Variants in CLTCL1 observed in about 807,000 individuals in gnomAD.
CLTCL1 encodes the protein clathrin heavy chain 2.
In CLTCL1, 159 loss-of-function variants were observed where a neutral mutation model predicts 190.0. The observed-to-expected ratio is 0.84, with a 90% confidence interval of 0.74 to 0.95. CLTCL1 has a LOEUF of 0.95. Among genes scored for constraint, CLTCL1 ranks in the 40% least tolerant of loss-of-function variants. CLTCL1 has a pLI of 0.00. For missense variants in CLTCL1, 1,878 were observed against 2,033.4 expected, an observed-to-expected ratio of 0.92 and a Z score of 1.47; for synonymous variants, 752 against 769.6, an observed-to-expected ratio of 0.98 and a Z score of 0.38.
rs372426122 is a variant in CLTCL1 at position 19,220,015 on chromosome 22, G to A, written c.2797-8C>T. ...AGAATTCTCATTGCACACCTGAAAT[G>A]AGCACACTCATGTGTGTGACACAGC... On this transcript the variant is annotated splice_region_variant and splice_polypyrimidine_tract_variant and intron_variant, in intron 17 of 32. Transcript: ENST00000427926. 5.6e-6 allele frequency: 9 copies of A among 1,613,784 alleles called. No individual in the cohort carries two copies. The highest frequency in any genetic ancestry group is 5.3e-5 in the African/African-American group (4 of 74,918).
intron 1 of CLTCL1, 103 bp from the exon 2 acceptor site, chr22:19,275,933 T>A (rs55921627): frequency 2.5e-6 from 2 of 799,948 alleles, no homozygotes; most frequent in Non-Finnish European, 3.7e-6. Flanking sequence ...AGAAAAAAGT[T>A]AACATTAGGT....
intron 2 of CLTCL1, among the ~76,000 whole-genome samples, chr22:19,266,400 T>A (rs1555977978): frequency 6.6e-6 from 1 of 152,106 alleles, no homozygotes; most frequent in Non-Finnish European, 1.5e-5. Context: ...TCTGAACAGA[T>A]TCACAGCAAG....
At chr22:19,237,804 T>C (rs2086125220) in intron 5 of CLTCL1, among the ~76,000 whole-genome samples, 1 of 152,228 alleles carries the variant, frequency 6.6e-6, no homozygotes, top group Non-Finnish European at 1.5e-5. Flanking sequence ...AGTCCATCTG[T>C]ATAAATCTGC....
chr22:19,287,524 C>T (rs543001001), intron 1 of CLTCL1, among the ~76,000 whole-genome samples: 14 of 152,090 alleles, frequency 9.2e-5, no homozygotes, highest in Admixed American at 1.3e-4. Context: ...AGAGGAAACA[C>T]GAAACCACTC....
At chr22:19,199,997 C>T (rs1005267742) in intron 23 of CLTCL1, among the ~76,000 whole-genome samples, 156 bp from the exon 24 acceptor site, 1 of 152,082 alleles carries the variant, frequency 6.6e-6, no homozygotes, top group African/African-American at 2.4e-5. Flanking sequence ...ATGAATTGTA[C>T]AAGACTGGGA....
intron 22 of CLTCL1, chr22:19,207,670 C>T (rs1175946111): frequency 1.8e-5 from 8 of 449,090 alleles, no homozygotes; most frequent in Non-Finnish European, 3.1e-5. Flanking sequence ...AGTGAAGCTT[C>T]ATCTGTATTT....
At chr22:19,180,850 C>G in intron 30 of CLTCL1, 44 bp from the exon 31 acceptor site, 1 of 1,569,106 alleles carries the variant, frequency 6.4e-7, no homozygotes, top group Non-Finnish European at 8.8e-7. Flanking sequence ...TGACAGAGTG[C>G]AGTCCGGCCT....
chr22:19,216,630 A>G (rs945876100), intron 18 of CLTCL1, among the ~76,000 whole-genome samples: 1 of 152,240 alleles, frequency 6.6e-6, no homozygotes, highest in Non-Finnish European at 1.5e-5. Context: ...TCTTACTAGA[A>G]GAGAGCACTG....
At chr22:19,239,161 T>A in intron 5 of CLTCL1, 114 bp downstream of exon 5, 1 of 821,630 alleles carries the variant, frequency 1.2e-6, no homozygotes, top group South Asian at 1.5e-5. Context: ...TTTGAAAGCA[T>A]CACAGTGGCA....
rs2084113984 is a variant in CLTCL1, at chr22:19,180,882, G to C, written c.4828-76C>G. Reference sequence around the variant, plus strand: ...GCCTCTAGGTGAAAGTGGAGTGGAAGGTCAGGACACAGGGCCTCCAGGAGA... The same window carrying C: ...GCCTCTAGGTGAAAGTGGAGTGGAACGTCAGGACACAGGGCCTCCAGGAGA... On this transcript the variant is annotated intron_variant, in intron 30 of 32. Coordinates refer to ENST00000427926, the MANE Select transcript of CLTCL1 (RefSeq NM_007098.4). 17 of 1,313,112 alleles carry C rather than the reference G, an allele frequency of 1.3e-5. No individual in the cohort carries two copies. The South Asian group carries it at 1.9e-4, about 15-fold the overall frequency. 81.3% of individuals were successfully genotyped at this position (1,313,112 alleles called of 1,614,324 possible). A position where few individuals can be genotyped will look rare whatever the true frequency, so the allele number is the denominator to read the frequency against.
At chr22:19,233,079 G>T in intron 9 of CLTCL1, 87 bp downstream of exon 9, 2 of 1,404,848 alleles carry the variant, frequency 1.4e-6, no homozygotes, top group Non-Finnish European at 2.0e-6. Context: ...GACTTACAAA[G>T]AAGGGTATTT....
chr22:19,249,950 T>A, intron 3 of CLTCL1: 1 of 426,050 alleles, frequency 2.3e-6, no homozygotes, highest in East Asian at 7.0e-5. Flanking sequence ...ATATTATTAT[T>A]AAAGGTGAAT....
At chr22:19,276,724 C>T (rs1555983534) in intron 1 of CLTCL1, among the ~76,000 whole-genome samples, 2 of 152,192 alleles carry the variant, frequency 1.3e-5, no homozygotes, top group African/African-American at 4.8e-5. Context: ...GGCTGGAGTG[C>T]AGTGGTGCGA....
chr22:19,284,531 G>A (rs1466780277), intron 1 of CLTCL1, among the ~76,000 whole-genome samples: 2 of 151,978 alleles, frequency 1.3e-5, no homozygotes, highest in Non-Finnish European at 2.9e-5. Flanking sequence ...GTGGTGGCGG[G>A]CACCTATAAT....
intron 26 of CLTCL1, among the ~76,000 whole-genome samples, chr22:19,191,876 C>T (rs2084518384): frequency 6.6e-6 from 1 of 152,156 alleles, no homozygotes; most frequent in Admixed American, 6.6e-5. Context: ...ATCACCAGAG[C>T]TTTTGAGCTG....
chr22:19,180,448 G>C (rs2084094723), intron 31 of CLTCL1, among the ~76,000 whole-genome samples: 1 of 152,160 alleles, frequency 6.6e-6, no homozygotes, highest in Non-Finnish European at 1.5e-5. Context: ...CACACCAGCA[G>C]CAGCCTTGCT....
At chr22:19,260,511 C>G (rs782020976) in intron 2 of CLTCL1, among the ~76,000 whole-genome samples, 4 of 148,546 alleles carry the variant, frequency 2.7e-5, no homozygotes, top group Non-Finnish European at 5.9e-5. Context: ...CGCAGTGGCT[C>G]ACACCTGTAA....
In CLTCL1 at chr22:19,224,115, G is replaced by A. The variant is rs2085664201; in HGVS notation, c.2129-61C>T. Reference sequence around the variant, plus strand: ...ACACCTGCCTGTCTCCTCCGTAGCTGCTGCCCACCTTCCCTCGATGACCCT... The same window carrying A: ...ACACCTGCCTGTCTCCTCCGTAGCTACTGCCCACCTTCCCTCGATGACCCT... On this transcript the variant is annotated intron_variant, in intron 13 of 32. Transcript: ENST00000427926. 9 of 1,568,274 alleles carry A rather than the reference G, an allele frequency of 5.7e-6. No individual in the cohort carries two copies. The South Asian group carries it at 1.0e-4, about 18-fold the overall frequency.
intron 2 of CLTCL1, among the ~76,000 whole-genome samples, chr22:19,266,314 A>G (rs960483186): frequency 2.0e-5 from 3 of 152,236 alleles, no homozygotes; most frequent in African/African-American, 7.2e-5. Flanking sequence ...ATGTCAACAT[A>G]CTAGAAGACT....
Sources: allele counts gnomAD v4.1 joint callset (sites outside exome capture counted in the v4.1 genomes callset), GRCh38; gene constraint gnomAD v4.1.1; transcripts MANE v1.5; gene names NCBI Gene and HGNC (gene_info 2026-07-23, HGNC 2026-07-21).